GMDS: variants seen among roughly 807,000 people sequenced by gnomAD.
The protein encoded by GMDS is GDP-mannose 4,6-dehydratase.
A neutral mutation model predicts 49.9 loss-of-function variants in GMDS; 20 were observed. The observed-to-expected ratio is 0.40, with a 90% CI of 0.28 to 0.58. The LOEUF (loss-of-function observed/expected upper bound fraction) is 0.58. Ranked by LOEUF, GMDS falls within the 20% of genes least tolerant of loss-of-function variation. GMDS has a pLI of 0.42. For synonymous variants in GMDS, 177 were observed against 178.6 expected (o/e 0.99, Z 0.07); for missense variants, 362 against 481.4 (o/e 0.75, Z 2.32).
At chr6:1,949,658 T>G (rs551356232) in intron 6 of GMDS, among the ~76,000 whole-genome samples, 1 of 152,308 alleles carries the variant, frequency 6.6e-6, no homozygotes, top group South Asian at 2.1e-4. Flanking sequence ...GATCGCCAAG[T>G]GTACATGTCA....
At chr6:2,010,437 A>C (rs765420672) in intron 4 of GMDS, among the ~76,000 whole-genome samples, 1 of 152,166 alleles carries the variant, frequency 6.6e-6, no homozygotes, top group African/African-American at 2.4e-5. Context: ...AAAAAGACCC[A>C]TAGAGAAATG....
intron 9 of GMDS, among the ~76,000 whole-genome samples, chr6:1,683,324 C>A (rs907128428): frequency 1.3e-5 from 2 of 152,266 alleles, no homozygotes; most frequent in East Asian, 1.9e-4. Flanking sequence ...CGGGTTTCAC[C>A]GTGTTAGCCA....
chr6:2,041,720 G>A (rs761047952), intron 4 of GMDS, among the ~76,000 whole-genome samples: 2 of 152,072 alleles, frequency 1.3e-5, no homozygotes, highest in Non-Finnish European at 2.9e-5. Flanking sequence ...TGAACATACT[G>A]CTTGATACAT....
intron 9 of GMDS, among the ~76,000 whole-genome samples, chr6:1,705,435 C>T (rs138548442): frequency 6.2e-4 from 94 of 152,312 alleles, no homozygotes; most frequent in African/African-American, 2.2e-3. Context: ...TTTGTAGTTA[C>T]CCTAATCCCA....
At chr6:1,978,288 G>C (rs1180594863) in intron 4 of GMDS, among the ~76,000 whole-genome samples, 1 of 152,100 alleles carries the variant, frequency 6.6e-6, no homozygotes. Context: ...GACCTACCTG[G>C]TGGGCCCACC....
rs374647835 is a variant in GMDS, at chr6:2,125,275, T to TAAAACAAAACAAAACAAAAC, written c.103-564_103-545dup. Among the ~76,000 whole-genome samples the TAAAACAAAACAAAACAAAAC allele has an allele frequency of 6.5e-3, 987 of 151,328 alleles. 21 individuals carry two copies. Among genetic ancestry groups the TAAAACAAAACAAAACAAAAC allele is most frequent in the African/African-American group, 0.023 (937 of 40,708 alleles). The stretch of plus-strand genomic sequence containing the variant: ...CAACACAGTGAGACCTTAGCACTGT[T>TAAAACAAAACAAAACAAAAC]AAAACAAAACAAAACAAAACAAAAC... On this transcript the variant is annotated intron_variant, in intron 1 of 10. Coordinates refer to ENST00000380815, the MANE Select transcript of GMDS (RefSeq NM_001500.4).
Position 2,095,896 on chromosome 6 carries a change from AG to A in GMDS, c.345+19874del, listed in dbSNP as rs1304931282. 5.3e-5 allele frequency among the ~76,000 whole-genome samples: 8 copies of A among 152,320 alleles called. 1 individual carries two copies. In the East Asian group the frequency reaches 1.3e-3, roughly 26 times the overall value. On this transcript the variant is annotated intron_variant, in intron 4 of 10. Transcript: ENST00000380815. ...AAGAATTCTCAAGTCCCCTCAAAAA[AG>A]GGGGAGAGAGGTTTGACCTCAATGA...
intron 1 of GMDS, among the ~76,000 whole-genome samples, chr6:2,204,999 A>C (rs1779732852): frequency 6.6e-6 from 1 of 152,216 alleles, no homozygotes; most frequent in African/African-American, 2.4e-5. Flanking sequence ...ACTTTTTCTA[A>C]TATTGAATTT....
intron 4 of GMDS, among the ~76,000 whole-genome samples, chr6:2,089,082 C>T (rs1280583512): frequency 6.6e-6 from 1 of 152,178 alleles, no homozygotes; most frequent in Non-Finnish European, 1.5e-5. Flanking sequence ...ATTTCTCAAA[C>T]AGCGTATAGA....
chr6:1,623,991 C>G lies in GMDS; in HGVS notation c.*178G>C, dbSNP rs1762765352. ...GACCCAAACCCTGGAGGGTCACATC[C>G]CGGCTGCTACAAACCTCGGCGGGGC... On this transcript the variant is annotated 3_prime_UTR_variant, in exon 11 of 11. Transcript: ENST00000380815. 4 of 582,034 alleles carry G rather than the reference C, an allele frequency of 6.9e-6. No homozygotes were observed. In the South Asian group the frequency reaches 8.6e-5, roughly 12 times the overall value. 36.1% of individuals were successfully genotyped at this position (582,034 alleles called of 1,614,324 possible).
chr6:2,092,587 T>C (rs1773381169), intron 4 of GMDS, among the ~76,000 whole-genome samples: 1 of 152,168 alleles, frequency 6.6e-6, no homozygotes, highest in Admixed American at 6.6e-5. Flanking sequence ...ATGTAGATAA[T>C]ATACAAATAA....
intron 3 of GMDS, 91 bp downstream of exon 3, chr6:2,117,378 C>A: frequency 1.3e-6 from 1 of 798,132 alleles, no homozygotes; most frequent in East Asian, 2.5e-5. Context: ...TGGGCTTTGA[C>A]AAAAATGACA....
chr6:1,726,363 C>CCCAG (rs1766586112), intron 9 of GMDS, 53 bp downstream of exon 9: 1 of 1,233,446 alleles, frequency 8.1e-7, no homozygotes, highest in South Asian at 1.2e-5. Context: ...AGCGCATTTG[C>CCCAG]CCAGCCAGCC....
intron 7 of GMDS, among the ~76,000 whole-genome samples, chr6:1,853,134 C>T (rs2113769712): frequency 6.6e-6 from 1 of 152,216 alleles, no homozygotes; most frequent in South Asian, 2.1e-4. Context: ...TCACTAAGGG[C>T]ATACAAGAAA....
At chr6:2,006,747 C>T (rs912833142) in intron 4 of GMDS, among the ~76,000 whole-genome samples, 1 of 152,026 alleles carries the variant, frequency 6.6e-6, no homozygotes, top group African/African-American at 2.4e-5. Context: ...TTAGCTTTCC[C>T]CTAAATAAAT....
intron 6 of GMDS, among the ~76,000 whole-genome samples, chr6:1,950,127 G>A (rs1323606592): frequency 1.3e-5 from 2 of 152,110 alleles, no homozygotes; most frequent in African/African-American, 4.8e-5. Flanking sequence ...TCTGCCTATT[G>A]TGATTAACTG....
At chr6:1,788,330 C>A (rs1165074355) in intron 7 of GMDS, among the ~76,000 whole-genome samples, 1 of 152,138 alleles carries the variant, frequency 6.6e-6, no homozygotes, top group Non-Finnish European at 1.5e-5. Context: ...TCTTCAATTT[C>A]TTCAAAATTA....
At chr6:1,654,825 G>A (rs901717218) in intron 9 of GMDS, among the ~76,000 whole-genome samples, 1 of 152,150 alleles carries the variant, frequency 6.6e-6, no homozygotes, top group Non-Finnish European at 1.5e-5. Flanking sequence ...CACTTTGGGA[G>A]CTCGAGGTGG....
intron 4 of GMDS, among the ~76,000 whole-genome samples, chr6:2,108,445 G>A (rs1374082874): frequency 7.2e-5 from 11 of 151,978 alleles, no homozygotes; most frequent in Admixed American, 6.6e-5. Flanking sequence ...AGTTAGTACC[G>A]TGGATTTCTG....
Sources: allele counts gnomAD v4.1 joint callset (sites outside exome capture counted in the v4.1 genomes callset), GRCh38; gene constraint gnomAD v4.1.1; transcripts MANE v1.5; gene names NCBI Gene and HGNC (gene_info 2026-07-23, HGNC 2026-07-21).